DERA: variants seen among roughly 807,000 people sequenced by gnomAD.
DERA encodes the protein 2-deoxy-D-ribose 5-phosphate aldolase.
DERA carries 15 observed loss-of-function variants against 41.1 expected under a neutral mutation model. The ratio of observed to expected loss-of-function variants is 0.37; its 90% CI spans 0.24 to 0.56. DERA has a LOEUF of 0.56. Ranked by LOEUF, DERA falls within the 20% of genes least tolerant of loss-of-function variation. The pLI, the probability that DERA is intolerant of heterozygous loss-of-function variation, is 0.81. For synonymous variants in DERA, 139 were observed against 137.4 expected (o/e 1.01, Z -0.08); for missense variants, 396 against 403.4 (o/e 0.98, Z 0.16).
rs1383267952 is a variant in DERA, at chr12:15,996,101, A to G, written c.637+13665A>G. 6.6e-6 allele frequency among the ~76,000 whole-genome samples: 1 copy of G among 151,846 alleles called. No individual in the cohort carries two copies. Among genetic ancestry groups the G allele is most frequent in the Non-Finnish European group, 1.5e-5 (1 of 67,992 alleles). ...TGCCTTCTCTTTCAGAGTTAATGTG[A>G]TTCTATGCAGAAGAGAAAATTATTT... is the stretch of plus-strand genomic sequence containing the variant. On this transcript the variant is annotated intron_variant, in intron 6 of 8. Coordinates refer to ENST00000428559, the MANE Select transcript of DERA (RefSeq NM_015954.4). The surrounding 1 kb of genome is among the most constrained non-coding windows in gnomAD (Gnocchi z 4.7).
At chr12:15,925,459 A>G (rs1035732745) in intron 1 of DERA, among the ~76,000 whole-genome samples, 1 of 152,174 alleles carries the variant, frequency 6.6e-6, no homozygotes, top group Non-Finnish European at 1.5e-5. Flanking sequence ...GAACGAATCA[A>G]TGTGGCAGCT....
At chr12:15,991,749 G>A (rs1213824458) in intron 6 of DERA, among the ~76,000 whole-genome samples, 1 of 152,140 alleles carries the variant, frequency 6.6e-6, no homozygotes, top group Non-Finnish European at 1.5e-5. Flanking sequence ...GCAACCCTAT[G>A]AAGTAGGTAC....
intron 1 of DERA, among the ~76,000 whole-genome samples, chr12:15,946,008 C>T (rs1948445333): frequency 6.6e-6 from 1 of 152,178 alleles, no homozygotes; most frequent in Non-Finnish European, 1.5e-5. Context: ...GTCTTTGCTT[C>T]TGTTTATATG....
At chr12:16,027,481 G>A (rs552228319) in intron 6 of DERA, among the ~76,000 whole-genome samples, 1 of 152,306 alleles carries the variant, frequency 6.6e-6, no homozygotes, top group African/African-American at 2.4e-5. Context: ...ATCCAGATGG[G>A]CTGTAGAAGG....
chr12:15,922,770 G>T lies in DERA; in HGVS notation c.31+11356G>T, dbSNP rs987419994. Among the ~76,000 whole-genome samples, 1 of 152,184 alleles carries T rather than the reference G, an allele frequency of 6.6e-6. No homozygotes were observed. Among genetic ancestry groups the T allele is most frequent in the East Asian group, 1.9e-4 (1 of 5,192 alleles). On this transcript the variant is annotated intron_variant, in intron 1 of 8. Transcript: ENST00000428559. The surrounding 1 kb of genome is among the most constrained non-coding windows in gnomAD (Gnocchi z 4.9). ...TTAGTTGTAGACCTGATAGCATCTA[G>T]CTGTGGAACCTTGCGGGGTGGGGAG...
chr12:15,959,927 A>G lies in DERA; in HGVS notation c.373+3A>G. On this transcript the variant is annotated splice_donor_region_variant and intron_variant, in intron 4 of 8. Transcript: ENST00000428559. This position sits in a 1 kb window ranked among gnomAD's most constrained non-coding sequence, Gnocchi z 4.5. Reference sequence around the variant, plus strand: ...CTGTAATATCCCTGTGGCATCAGGTAAAATGTGTTGTGGCTTTTGTTGTTA... The same window carrying G: ...CTGTAATATCCCTGTGGCATCAGGTGAAATGTGTTGTGGCTTTTGTTGTTA... 1.3e-6 allele frequency: 2 copies of G among 1,538,230 alleles called. No homozygotes were observed.
At chr12:16,028,732 CA>C (rs1949070390) in intron 6 of DERA, among the ~76,000 whole-genome samples, 1 of 152,138 alleles carries the variant, frequency 6.6e-6, no homozygotes, top group Admixed American at 6.5e-5. Context: ...ATGGTCTTAC[CA>C]AACCTATAAC....
chr12:16,036,290 C>T lies in DERA; in HGVS notation c.809C>T (p.Ser270Phe). ...RSAKDSLAWLSLVKEELGDEW... is the reference protein window; with the variant it reads ...RSAKDSLAWLFLVKEELGDEW... Reference sequence around the variant, plus strand: ...GCAAAGGATTCCCTTGCTTGGCTCTCTCTTGTAAAGGAGGAGCTTGGAGAT... The same window carrying T: ...GCAAAGGATTCCCTTGCTTGGCTCTTTCTTGTAAAGGAGGAGCTTGGAGAT... Residue 270 changes from serine to phenylalanine, a missense_variant, in exon 8 of 9, where the codon TCT becomes TTT. By Grantham distance (155) the Ser-to-Phe change is radical (BLOSUM62 -2). Coordinates refer to ENST00000428559, the MANE Select transcript of DERA (RefSeq NM_015954.4). This position sits in a 1 kb window ranked among gnomAD's most constrained non-coding sequence, Gnocchi z 4.9. 1 of 1,613,750 alleles carries T rather than the reference C, an allele frequency of 6.2e-7. No homozygotes were observed. Among genetic ancestry groups the T allele is most frequent in the South Asian group, 1.1e-5 (1 of 91,054 alleles).
rs1456155649 is a variant in DERA at position 15,985,906 on chromosome 12, T to C, written c.637+3470T>C. On this transcript the variant is annotated intron_variant, in intron 6 of 8. Transcript: ENST00000428559. This position sits in a 1 kb window ranked among gnomAD's most constrained non-coding sequence, Gnocchi z 4.2. ...AATGTTTTTCAGATCTAGTTTTGTTTTCTTTTTGGTCTACTGGTTCTGTTT... is the reference window on the plus strand; with the variant it reads ...AATGTTTTTCAGATCTAGTTTTGTTCTCTTTTTGGTCTACTGGTTCTGTTT... 6.6e-6 allele frequency among the ~76,000 whole-genome samples: 1 copy of C among 152,180 alleles called. No homozygotes were observed.
rs1299543198 is a variant in DERA, at chr12:15,990,358, T to G, written c.637+7922T>G. The stretch of plus-strand genomic sequence containing the variant: ...AAAAAGAAAGGTACAAAAGAATGAT[T>G]AATTGAGAATCACAATTAGATGTGG... On this transcript the variant is annotated intron_variant, in intron 6 of 8. Transcript: ENST00000428559. The surrounding 1 kb of genome is among the most constrained non-coding windows in gnomAD (Gnocchi z 4.3). 6.6e-6 allele frequency among the ~76,000 whole-genome samples: 1 copy of G among 152,210 alleles called. No individual in the cohort carries two copies. Among genetic ancestry groups the G allele is most frequent in the East Asian group, 1.9e-4 (1 of 5,200 alleles).
intron 1 of DERA, among the ~76,000 whole-genome samples, chr12:15,951,975 C>T (rs1948501340): frequency 6.6e-6 from 1 of 151,718 alleles, no homozygotes; most frequent in Non-Finnish European, 1.5e-5. Flanking sequence ...AATCTCAGCT[C>T]ACTGCAACCT....
In DERA at chr12:15,958,312, A is replaced by C; in HGVS notation, c.254A>C (p.Lys85Thr). The C allele has an allele frequency of 6.2e-7, 1 of 1,604,818 alleles. No individual in the cohort carries two copies. Among genetic ancestry groups the C allele is most frequent in the Non-Finnish European group, 8.5e-7 (1 of 1,175,906 alleles). ...TACCCAATCCGGGAAGATCTCTTAAAAGCTTTAAATATGCATGATAAAGGT... is the reference window on the plus strand; with the variant it reads ...TACCCAATCCGGGAAGATCTCTTAACAGCTTTAAATATGCATGATAAAGGT... ...AKYPIREDLL[K>T]ALNMHDKGIT... Residue 85 changes from lysine to threonine, a missense_variant, in exon 3 of 9, where the codon AAA becomes ACA. Transcript: ENST00000428559.
chr12:15,949,197 G>A (rs906644069), intron 1 of DERA, among the ~76,000 whole-genome samples: 22 of 152,266 alleles, frequency 1.4e-4, no homozygotes, highest in African/African-American at 4.8e-4. Context: ...CAAACTCCAT[G>A]CTGGGAGAAC....
intron 1 of DERA, among the ~76,000 whole-genome samples, chr12:15,946,364 T>C (rs1457632906): frequency 6.6e-6 from 1 of 152,164 alleles, no homozygotes; most frequent in Non-Finnish European, 1.5e-5. Context: ...GTCCTGGACT[T>C]TTTTTGGTTG....
intron 6 of DERA, among the ~76,000 whole-genome samples, chr12:16,005,259 T>C (rs1227674130): frequency 2.0e-5 from 3 of 151,952 alleles, no homozygotes; most frequent in East Asian, 1.9e-4. Flanking sequence ...GCCTGGGCAA[T>C]GTAGGAAGAC....
intron 6 of DERA, among the ~76,000 whole-genome samples, chr12:16,007,601 G>A (rs1948920806): frequency 1.3e-5 from 2 of 152,214 alleles, no homozygotes; most frequent in Non-Finnish European, 2.9e-5. Context: ...TGTGCTAGCT[G>A]TATGGTCAAT....
At chr12:15,942,874 A>G (rs140087740) in intron 1 of DERA, among the ~76,000 whole-genome samples, 4 of 152,360 alleles carry the variant, frequency 2.6e-5, no homozygotes, top group African/African-American at 9.6e-5. Flanking sequence ...AAGAAATGAA[A>G]TATAGAAGAT....
chr12:15,944,360 T>A (rs897543380), intron 1 of DERA, among the ~76,000 whole-genome samples: 3 of 152,230 alleles, frequency 2.0e-5, no homozygotes, highest in African/African-American at 2.4e-5. Context: ...GTAAAAGTGT[T>A]CCTATTTCTC....
chr12:15,949,097 C>T (rs1426293944), intron 1 of DERA, among the ~76,000 whole-genome samples: 1 of 152,168 alleles, frequency 6.6e-6, no homozygotes, highest in Non-Finnish European at 1.5e-5. Context: ...TGTGGGGTGT[C>T]AGTCTGCTCC....
Sources: allele counts gnomAD v4.1 joint callset (sites outside exome capture counted in the v4.1 genomes callset), GRCh38; gene constraint gnomAD v4.1.1; non-coding constraint Gnocchi (gnomAD v3.1); transcripts MANE v1.5; gene names NCBI Gene and HGNC (gene_info 2026-07-23, HGNC 2026-07-21).